The following SRPK2 variants were observed in gnomAD, a reference collection of about 807,000 sequenced individuals.
The protein encoded by SRPK2 is SRSF protein kinase 2, also known as SFRS protein kinase 2.
A neutral mutation model predicts 90.8 loss-of-function variants in SRPK2; 21 were observed. The ratio of observed to expected loss-of-function variants is 0.23; its 90% CI spans 0.16 to 0.33. The LOEUF (loss-of-function observed/expected upper bound fraction) is 0.33. Among genes scored for constraint, SRPK2 ranks in the 10% least tolerant of loss-of-function variants. The probability of loss-of-function intolerance (pLI) is 1.00; values close to 1 mark genes in which losing one functional copy is unlikely to be tolerated. For missense variants in SRPK2, 620 were observed against 869.0 expected (o/e 0.71, Z 3.60); for synonymous variants, 288 against 311.1 (o/e 0.93, Z 0.78).
At chr7:105,348,909 G>A (rs1816802042) in intron 2 of SRPK2, among the ~76,000 whole-genome samples, 1 of 151,884 alleles carries the variant, frequency 6.6e-6, no homozygotes, top group African/African-American at 2.4e-5. Context: ...ACTTTGGGAG[G>A]CCAAGGCGGG....
chr7:105,277,368 G>A (rs576841668), intron 2 of SRPK2, among the ~76,000 whole-genome samples: 224 of 152,256 alleles, frequency 1.5e-3, no homozygotes, highest in Middle Eastern at 6.8e-3. Context: ...GAGCCACTGC[G>A]CCCGGCCCAA....
At chr7:105,389,349 C>G, upstream of SRPK2, 1 of 1,275,834 alleles carries the variant, frequency 7.8e-7, no homozygotes, top group South Asian at 1.3e-5. Context: ...CCCTTTGCTC[C>G]TCTACATCCT....
chr7:105,259,777 C>A (rs1021658990), intron 2 of SRPK2, among the ~76,000 whole-genome samples: 7 of 152,126 alleles, frequency 4.6e-5, no homozygotes, highest in Non-Finnish European at 7.4e-5. Context: ...CAAAAACAAG[C>A]AATGGGGAAA....
intron 2 of SRPK2, among the ~76,000 whole-genome samples, chr7:105,299,568 G>T (rs1016913422): frequency 7.2e-5 from 11 of 152,300 alleles, no homozygotes; most frequent in Non-Finnish European, 1.2e-4. Context: ...CTCACAAGAA[G>T]CATAACTCAT....
intron 2 of SRPK2, among the ~76,000 whole-genome samples, chr7:105,354,106 T>G (rs1269850660): frequency 6.6e-6 from 1 of 152,196 alleles, no homozygotes; most frequent in Non-Finnish European, 1.5e-5. Context: ...TGTATGTGGC[T>G]GTGTGGAGCA....
intron 3 of SRPK2, among the ~76,000 whole-genome samples, chr7:105,192,019 A>G (rs1008688893): frequency 2.0e-5 from 3 of 146,848 alleles, no homozygotes; most frequent in Admixed American, 1.4e-4. Flanking sequence ...TGGTCCACTT[A>G]TTCCTTTTAA....
At chr7:105,232,785 C>T (rs1799610955) in intron 2 of SRPK2, among the ~76,000 whole-genome samples, 1 of 151,934 alleles carries the variant, frequency 6.6e-6, no homozygotes, top group African/African-American at 2.4e-5. Context: ...GAGGCTGAGG[C>T]AGGTGGATTA....
chr7:105,147,167 T>C (rs1190619730), intron 7 of SRPK2, among the ~76,000 whole-genome samples: 3 of 152,104 alleles, frequency 2.0e-5, no homozygotes, highest in African/African-American at 7.3e-5. Flanking sequence ...ATAACACACA[T>C]ACAAAATACA....
At chr7:105,341,943 G>A (rs1260093557) in intron 2 of SRPK2, among the ~76,000 whole-genome samples, 1 of 151,918 alleles carries the variant, frequency 6.6e-6, no homozygotes, top group Non-Finnish European at 1.5e-5. Flanking sequence ...CTCCAGCCTG[G>A]CTGCCAGAGC....
At chr7:105,279,994 T>TAC (rs1325631400) in intron 2 of SRPK2, among the ~76,000 whole-genome samples, 1 of 152,232 alleles carries the variant, frequency 6.6e-6, no homozygotes, top group Non-Finnish European at 1.5e-5. Context: ...ACATAAATTT[T>TAC]ACAGATTATA....
intron 6 of SRPK2, among the ~76,000 whole-genome samples, chr7:105,165,242 C>A (rs1183157978): frequency 6.6e-6 from 1 of 152,142 alleles, no homozygotes; most frequent in East Asian, 1.9e-4. Flanking sequence ...CCTCCTGAGT[C>A]CCCATCAAAA....
At chr7:105,285,385 C>CAA (rs58399129) in intron 2 of SRPK2, among the ~76,000 whole-genome samples, 1,313 of 105,842 alleles carry the variant, frequency 0.012, 15 homozygotes, top group African/African-American at 0.036. Context: ...ACCCCGTCTC[C>CAA]AAAAAAAAAA....
intron 2 of SRPK2, among the ~76,000 whole-genome samples, chr7:105,291,044 C>CAAAA (rs10684672): frequency 0.022 from 1,861 of 83,254 alleles, 76 homozygotes; most frequent in South Asian, 0.044. Context: ...GACTCCGTCT[C>CAAAA]AAAAAAAAAA....
At chr7:105,280,909 T>C (rs951096438) in intron 2 of SRPK2, among the ~76,000 whole-genome samples, 4 of 112,476 alleles carry the variant, frequency 3.6e-5, no homozygotes, top group African/African-American at 1.4e-4. Context: ...ATAGCGCCAC[T>C]GCACTCCAGC....
chr7:105,328,139 A>C (rs1475728857), intron 2 of SRPK2, among the ~76,000 whole-genome samples: 1 of 152,206 alleles, frequency 6.6e-6, no homozygotes, highest in East Asian at 1.9e-4. Context: ...GGAGACATAC[A>C]AATGACTCTA....
At chr7:105,236,296 A>C (rs971163490) in intron 2 of SRPK2, among the ~76,000 whole-genome samples, 1 of 152,202 alleles carries the variant, frequency 6.6e-6, no homozygotes, top group Non-Finnish European at 1.5e-5. Context: ...TGACAGCATT[A>C]TGGACAGTAG....
At chr7:105,261,589 A>T (rs1804303084) in intron 2 of SRPK2, among the ~76,000 whole-genome samples, 1 of 152,166 alleles carries the variant, frequency 6.6e-6, no homozygotes, top group African/African-American at 2.4e-5. Context: ...TTTGTAACAA[A>T]ATTATCTTAT....
intron 2 of SRPK2, chr7:105,268,839 G>A: frequency 6.3e-7 from 1 of 1,596,588 alleles, no homozygotes; most frequent in Non-Finnish European, 8.6e-7. Context: ...AGAGTTAACT[G>A]ACATCAGCAG....
At chr7:105,357,613 G>A (rs1365258223) in intron 2 of SRPK2, among the ~76,000 whole-genome samples, 1 of 151,950 alleles carries the variant, frequency 6.6e-6, no homozygotes, top group Non-Finnish European at 1.5e-5. Flanking sequence ...GTGCGGTGGT[G>A]TGCGCTTGTT....
Sources: allele counts gnomAD v4.1 joint callset (sites outside exome capture counted in the v4.1 genomes callset), GRCh38; gene constraint gnomAD v4.1.1; transcripts MANE v1.5; gene names NCBI Gene and HGNC (gene_info 2026-07-23, HGNC 2026-07-21).